Variants in PSMD14 observed in about 807,000 individuals in gnomAD.
PSMD14 encodes proteasome 26S subunit, non-ATPase 14, also known as ubiquitin C-terminal hydrolase PSMD14.
A neutral mutation model predicts 41.2 loss-of-function variants in PSMD14; 7 were observed. The observed-to-expected ratio is 0.17, with a 90% CI of 0.10 to 0.32. The LOEUF is 0.32. PSMD14 is among the 10% of genes least tolerant of loss of function. The probability of loss-of-function intolerance (pLI) is 1.00; values close to 1 mark genes in which losing one functional copy is unlikely to be tolerated. For synonymous variants in PSMD14, 114 were observed against 122.3 expected (o/e 0.93, Z 0.45); for missense variants, 139 against 375.6 (o/e 0.37, Z 5.21).
intron 10 of PSMD14, 67 bp downstream of exon 10, chr2:161,395,270 T>C: frequency 7.6e-7 from 1 of 1,309,420 alleles, no homozygotes; most frequent in South Asian, 1.4e-5. Context: ...TGCCAAGCAT[T>C]GTGTAAGTAA....
At chr2:161,312,393 C>G (rs186195916) in intron 1 of PSMD14, among the ~76,000 whole-genome samples, 1 of 152,212 alleles carries the variant, frequency 6.6e-6, no homozygotes, top group Admixed American at 6.5e-5. Context: ...ATCTGCCCCC[C>G]TCGGCCTCCC....
At chr2:161,373,151 G>A (rs1254181509) in intron 7 of PSMD14, among the ~76,000 whole-genome samples, 1 of 151,518 alleles carries the variant, frequency 6.6e-6, no homozygotes, top group African/African-American at 2.4e-5. Flanking sequence ...CTAATTAATT[G>A]TAATTTATAT....
chr2:161,334,774 C>T (rs186344704), intron 3 of PSMD14, among the ~76,000 whole-genome samples: 140 of 152,352 alleles, frequency 9.2e-4, no homozygotes, highest in Middle Eastern at 3.4e-3. Context: ...CTCACTATAT[C>T]GCCCAGGCGA....
chr2:161,409,625 A>G (rs1559057567), intron 11 of PSMD14: 3 of 152,126 alleles, frequency 2.0e-5, no homozygotes. Context: ...GGCCAGGACC[A>G]TTCTTGGATG....
chr2:161,342,212 G>A (rs1229921116), intron 3 of PSMD14, among the ~76,000 whole-genome samples: 5 of 152,090 alleles, frequency 3.3e-5, no homozygotes, highest in Admixed American at 6.6e-5. Context: ...TTCCTGTCTT[G>A]TCCTGATCGT....
At chr2:161,398,569 C>T (rs933993456) in intron 10 of PSMD14, among the ~76,000 whole-genome samples, 3 of 151,688 alleles carry the variant, frequency 2.0e-5, no homozygotes, top group African/African-American at 7.3e-5. Flanking sequence ...TGTTTGATTA[C>T]ATATTTGTAA....
chr2:161,367,695 C>G, intron 4 of PSMD14, 89 bp from the exon 5 acceptor site: 1 of 1,503,942 alleles, frequency 6.6e-7, no homozygotes, highest in Non-Finnish European at 8.9e-7. Flanking sequence ...TTTATTTTCA[C>G]TGGAACAAAA....
chr2:161,349,265 G>C (rs1683085773), intron 3 of PSMD14, among the ~76,000 whole-genome samples: 1 of 152,082 alleles, frequency 6.6e-6, no homozygotes, highest in Non-Finnish European at 1.5e-5. Context: ...ATGCCTTTTG[G>C]ATATACTTAC....
At chr2:161,360,709 T>C (rs1247208778) in intron 3 of PSMD14, among the ~76,000 whole-genome samples, 1 of 152,172 alleles carries the variant, frequency 6.6e-6, no homozygotes, top group Non-Finnish European at 1.5e-5. Flanking sequence ...GCTAATTTTT[T>C]GTATTTTTAG....
chr2:161,312,611 G>C (rs1689102723), intron 1 of PSMD14, among the ~76,000 whole-genome samples: 1 of 152,142 alleles, frequency 6.6e-6, no homozygotes, highest in Non-Finnish European at 1.5e-5. Context: ...TTGTATGTAT[G>C]ACATTATGTT....
At chr2:161,367,981 A>G in intron 5 of PSMD14, 78 bp downstream of exon 5, 1 of 1,427,826 alleles carries the variant, frequency 7.0e-7, no homozygotes, top group Non-Finnish European at 9.4e-7. Flanking sequence ...ACTAACTCTC[A>G]TCATATTACA....
At chr2:161,332,452 T>C (rs1682808068) in intron 3 of PSMD14, among the ~76,000 whole-genome samples, 1 of 152,232 alleles carries the variant, frequency 6.6e-6, no homozygotes, top group East Asian at 1.9e-4. Context: ...AATCTTGTTG[T>C]ACCTTGACTT....
At chr2:161,340,488 G>T (rs1425443488) in intron 3 of PSMD14, among the ~76,000 whole-genome samples, 1 of 152,240 alleles carries the variant, frequency 6.6e-6, no homozygotes, top group African/African-American at 2.4e-5. Context: ...TCTAAGGTGT[G>T]CAGGGTGTGT....
intron 7 of PSMD14, among the ~76,000 whole-genome samples, chr2:161,375,481 G>C (rs1683490777): frequency 6.6e-6 from 1 of 152,016 alleles, no homozygotes; most frequent in South Asian, 2.1e-4. Context: ...ATCAGTTGTA[G>C]GTTGCACAAA....
chr2:161,388,550 C>T (rs561468473), intron 8 of PSMD14, among the ~76,000 whole-genome samples: 2 of 152,190 alleles, frequency 1.3e-5, no homozygotes, highest in African/African-American at 4.8e-5. Context: ...TTGCCTTCTG[C>T]AACTCAGTTC....
At chr2:161,337,329 A>C (rs1682884726) in intron 3 of PSMD14, among the ~76,000 whole-genome samples, 1 of 152,206 alleles carries the variant, frequency 6.6e-6, no homozygotes, top group South Asian at 2.1e-4. Flanking sequence ...ACTAAATATT[A>C]AAAGATGTTT....
intron 7 of PSMD14, among the ~76,000 whole-genome samples, chr2:161,378,699 T>G (rs1434267662): frequency 1.3e-5 from 2 of 151,972 alleles, no homozygotes; most frequent in Non-Finnish European, 2.9e-5. Flanking sequence ...GAGTACTGGC[T>G]TTGGCATGCT....
intron 7 of PSMD14, among the ~76,000 whole-genome samples, chr2:161,375,658 A>T (rs950833967): frequency 4.6e-5 from 7 of 151,886 alleles, no homozygotes; most frequent in African/African-American, 1.4e-4. Context: ...GAGTGCTTTG[A>T]TTGGTTTTAA....
chr2:161,374,733 C>G (rs899552533), intron 7 of PSMD14, among the ~76,000 whole-genome samples: 2 of 151,980 alleles, frequency 1.3e-5, no homozygotes, highest in African/African-American at 4.8e-5. Context: ...ATAACCAGAT[C>G]CAGCAGCAAA....
Sources: gnomAD v4.1 joint callset for allele counts (sites outside exome capture counted in the v4.1 genomes callset) on GRCh38, gnomAD v4.1.1 for gene constraint, MANE v1.5 for transcripts, NCBI Gene and HGNC (gene_info 2026-07-23, HGNC 2026-07-21) for gene names.